The following ZNF79 variants were observed in gnomAD, a reference collection of about 807,000 sequenced individuals.
ZNF79 encodes the protein zinc finger protein 79.
In ZNF79, 13 loss-of-function variants were observed where a neutral mutation model predicts 14.9. That is an observed-to-expected ratio of 0.87 (90% CI 0.57 to 1.38). The LOEUF is 1.38. Ranked by LOEUF, ZNF79 falls within the 40% of genes most tolerant of loss-of-function variation. ZNF79 has a pLI of 0.00. For missense variants in ZNF79, 631 were observed against 630.6 expected (o/e 1.00, Z -0.01); for synonymous variants, 223 against 235.1 (o/e 0.95, Z 0.47).
In ZNF79 at chr9:127,444,279, T is replaced by G. The variant is rs774361442; in HGVS notation, c.579T>G (p.Tyr193Ter). 6.2e-7 allele frequency: 1 copy of G among 1,613,914 alleles called. No homozygotes were observed. Among genetic ancestry groups the G allele is most frequent in the Non-Finnish European group, 8.5e-7 (1 of 1,180,018 alleles). ...TGAAACCTCACAGAGCAAAACCATA[T>G]GCATGTAATGAATGTGGCAAAGCCT... ...EILKPHRAKP[Y>*]ACNECGKAFS... The change falls in exon 5 of 5, where the codon TAT becomes TAG. Residue 193 changes from tyrosine to a stop codon, truncating the protein, a stop_gained. Coordinates refer to ENST00000342483, the MANE Select transcript of ZNF79 (RefSeq NM_007135.3). LOFTEE classifies it low-confidence loss of function (END_TRUNC).
intron 4 of ZNF79, among the ~76,000 whole-genome samples, chr9:127,443,793 C>T (rs1834092921): frequency 6.7e-6 from 1 of 148,186 alleles, no homozygotes; most frequent in Admixed American, 6.9e-5. Context: ...CCCAGCTACT[C>T]GGGAGGCTGA....
chr9:127,429,504 T>A (rs1280024151), intron 2 of ZNF79, among the ~76,000 whole-genome samples: 1 of 119,130 alleles, frequency 8.4e-6, no homozygotes, highest in East Asian at 2.4e-4. Flanking sequence ...TTTTTTTTTT[T>A]AACTTTTGTA....
rs763998628 is a variant in ZNF79, at chr9:127,444,725, T to C, written c.1025T>C (p.Phe342Ser). Residue 342 changes from phenylalanine to serine, a missense_variant, in exon 5 of 5, where the codon TTC (phenylalanine) becomes TCC (serine). Physicochemically the swap from Phe to Ser is radical, Grantham distance 155. Coordinates refer to ENST00000342483, the MANE Select transcript of ZNF79 (RefSeq NM_007135.3). ...PYKCSECGKA[F>S]SYCAAFIQHQ... ...AAGTGCAGCGAGTGTGGGAAGGCCT[T>C]CAGTTACTGCGCAGCGTTCATTCAG... 6.2e-7 allele frequency: 1 copy of C among 1,613,672 alleles called. No homozygotes were observed. Among genetic ancestry groups the C allele is most frequent in the African/African-American group, 1.3e-5 (1 of 74,860 alleles).
At chr9:127,429,425 A>G (rs938240368) in intron 2 of ZNF79, among the ~76,000 whole-genome samples, 1 of 151,722 alleles carries the variant, frequency 6.6e-6, no homozygotes, top group African/African-American at 2.4e-5. Flanking sequence ...AGCTCAAGCA[A>G]TCCTCCCACC....
intron 1 of ZNF79, among the ~76,000 whole-genome samples, chr9:127,426,599 C>T (rs1330151915): frequency 2.0e-5 from 3 of 152,156 alleles, no homozygotes; most frequent in Non-Finnish European, 2.9e-5. Context: ...TGGTCTTGAA[C>T]GCCTGACCTC....
At chr9:127,436,390 T>C (rs2131954211) in intron 4 of ZNF79, among the ~76,000 whole-genome samples, 1 of 152,306 alleles carries the variant, frequency 6.6e-6, no homozygotes, top group African/African-American at 2.4e-5. Context: ...TCACTGAGGA[T>C]CCTAGGTGCC....
chr9:127,435,139 G>A lies in ZNF79; in HGVS notation c.155G>A (p.Trp52Ter). The A allele has an allele frequency of 6.2e-7, 1 of 1,613,208 alleles. No homozygotes were observed. Reference sequence around the variant, plus strand: ...ACGGTAGCTTTTGCACAGGAAAGGTGGAGGTGCCTCGTGTCTACTCCACGG... The same window carrying A: ...ACGGTAGCTTTTGCACAGGAAAGGTAGAGGTGCCTCGTGTCTACTCCACGG... ...SVTVAFAQER[W>*]RCLVSTPRDR... The change falls in exon 3 of 5, where the codon TGG becomes TAG. Residue 52 changes from tryptophan to a stop codon, truncating the protein, a stop_gained. Coordinates refer to ENST00000342483, the MANE Select transcript of ZNF79 (RefSeq NM_007135.3). LOFTEE classifies it high-confidence loss of function.
chr9:127,427,298 C>T (rs1833775219), intron 1 of ZNF79, among the ~76,000 whole-genome samples: 1 of 150,902 alleles, frequency 6.6e-6, no homozygotes, highest in African/African-American at 2.4e-5. Context: ...TGGTGCGTGC[C>T]TGTAATCCCA....
chr9:127,428,303 G>A (rs956366366), intron 1 of ZNF79, among the ~76,000 whole-genome samples: 8 of 152,078 alleles, frequency 5.3e-5, no homozygotes, highest in African/African-American at 1.9e-4. Context: ...TTAACTTTAG[G>A]TCTCTGATCT....
Position 127,424,472 on chromosome 9 carries a change from A to G in ZNF79, c.-316A>G, listed in dbSNP as rs983893445. 1.9e-5 allele frequency: 7 copies of G among 364,532 alleles called. No individual in the cohort carries two copies. The highest frequency in any genetic ancestry group is 2.6e-5 in the Non-Finnish European group (5 of 193,738). The allele number at this position is 364,532 out of a possible 1,614,324, so 22.6% of individuals were successfully genotyped here. On this transcript the variant is annotated 5_prime_UTR_variant, in exon 1 of 5. Coordinates refer to ENST00000342483, the MANE Select transcript of ZNF79 (RefSeq NM_007135.3). ...CTTGAGCTCTCGCGGTTGCCGGTAGATTGTTGCCAGTTGCCAGTTGCCAGT... is the reference window on the plus strand; with the variant it reads ...CTTGAGCTCTCGCGGTTGCCGGTAGGTTGTTGCCAGTTGCCAGTTGCCAGT...
intron 1 of ZNF79, among the ~76,000 whole-genome samples, chr9:127,426,982 A>G (rs7039883): frequency 0.022 from 3,399 of 151,472 alleles, 142 homozygotes; most frequent in African/African-American, 0.077. Flanking sequence ...TATTATAGTC[A>G]TGTTAGTAGG....
chr9:127,435,758 C>T, intron 3 of ZNF79, 150 bp from the exon 4 acceptor site: 1 of 676,890 alleles, frequency 1.5e-6, no homozygotes, highest in Non-Finnish European at 2.7e-6. Flanking sequence ...TGCTATAGCC[C>T]CTGGTGTAGG....
chr9:127,430,230 CA>C (rs1190394000), intron 2 of ZNF79, among the ~76,000 whole-genome samples: 1 of 152,170 alleles, frequency 6.6e-6, no homozygotes, highest in Non-Finnish European at 1.5e-5. Flanking sequence ...CATATTCTAC[CA>C]AATCATTTCT....
chr9:127,428,520 CCTTA>C (rs1833801783), intron 1 of ZNF79: 1 of 279,988 alleles, frequency 3.6e-6, no homozygotes, highest in Non-Finnish European at 5.7e-6. Flanking sequence ...GCAGATTATC[CCTTA>C]CAAGGGTTTA....
intron 1 of ZNF79, among the ~76,000 whole-genome samples, chr9:127,427,631 T>C (rs1833784361): frequency 6.7e-6 from 1 of 149,714 alleles, no homozygotes; most frequent in Non-Finnish European, 1.5e-5. Flanking sequence ...AACCTCTGCC[T>C]CCTGGGCTCA....
In ZNF79 at chr9:127,444,094, T is replaced by C; in HGVS notation, c.394T>C (p.Cys132Arg). 1.2e-6 allele frequency: 2 copies of C among 1,612,234 alleles called. No homozygotes were observed. The highest frequency in any genetic ancestry group is 1.7e-6 in the Non-Finnish European group (2 of 1,179,824). Residue 132 changes from cysteine to arginine, a missense_variant, in exon 5 of 5, where the codon TGT becomes CGT. Coordinates refer to ENST00000342483, the MANE Select transcript of ZNF79 (RefSeq NM_007135.3). ...ALSEASFQDP[C>R]VEMPPGDSDH... ...TTCTGAAGCTTCATTCCAAGACCCA[T>C]GTGTAGAGATGCCCCCTGGGGATTC...
At chr9:127,436,325 A>G (rs1017518121) in intron 4 of ZNF79, among the ~76,000 whole-genome samples, 3 of 152,066 alleles carry the variant, frequency 2.0e-5, no homozygotes, top group African/African-American at 7.2e-5. Context: ...ATCCTTCCTT[A>G]TTGTTGGGAA....
chr9:127,444,382 A>G lies in ZNF79; in HGVS notation c.682A>G (p.Lys228Glu). The change falls in exon 5 of 5, where the codon AAG becomes GAG. Residue 228 changes from lysine to glutamate, a missense_variant. Transcript: ENST00000342483. ...GCCCTATGAGTGCAGTGAATGTGGG[A>G]AGGCCTTCAGCCAGAGCTCATCTCT... is the stretch of plus-strand genomic sequence containing the variant. Reference protein sequence around the residue: ...EKPYECSECGKAFSQSSSLIQ... With the variant: ...EKPYECSECGEAFSQSSSLIQ... The G allele has an allele frequency of 6.2e-7, 1 of 1,612,664 alleles. No homozygotes were observed. The highest frequency in any genetic ancestry group is 8.5e-7 in the Non-Finnish European group (1 of 1,178,790).
intron 1 of ZNF79, 173 bp downstream of exon 1, chr9:127,424,976 T>A (rs1055483880): frequency 1.3e-6 from 2 of 1,482,910 alleles, no homozygotes; most frequent in African/African-American, 2.8e-5. Flanking sequence ...CCTGAGAACA[T>A]GTGCCCCTAC....
Sources: allele counts gnomAD v4.1 joint callset (sites outside exome capture counted in the v4.1 genomes callset), GRCh38; gene constraint gnomAD v4.1.1; transcripts MANE v1.5; gene names NCBI Gene and HGNC (gene_info 2026-07-23, HGNC 2026-07-21).